MAP3K15: variants seen among roughly 807,000 people sequenced by gnomAD.
MAP3K15 encodes mitogen-activated protein kinase kinase kinase 15, also known as MAPK/ERK kinase kinase 15.
In MAP3K15, 124 loss-of-function variants were observed where a neutral mutation model predicts 99.5. The observed-to-expected ratio is 1.25, with a 90% CI of 1.08 to 1.45. The LOEUF is 1.45. Among genes scored for constraint, MAP3K15 ranks in the 40% most tolerant of loss-of-function variants. MAP3K15 has a pLI of 0.00. For synonymous variants in MAP3K15, 494 were observed against 439.6 expected (o/e 1.12, Z -1.55); for missense variants, 1,242 against 1,079.7 (o/e 1.15, Z -2.11).
At chrX:19,371,556 ATT>A in intron 22 of MAP3K15, 26 bp from the exon 23 acceptor site, 1 of 1,151,031 alleles carries the variant, frequency 8.7e-7, no homozygotes, top group Non-Finnish European at 1.2e-6. Flanking sequence ...AATCATTTTC[ATT>A]GAGTCAGATT....
chrX:19,463,542 C>A (rs764941108), intron 4 of MAP3K15, among the ~76,000 whole-genome samples: 2 of 112,270 alleles, frequency 1.8e-5, no homozygotes, highest in African/African-American at 3.2e-5. Flanking sequence ...AATAATTTTT[C>A]TTTTACTTTC....
At chrX:19,430,371 C>CG (rs2063871349) in intron 7 of MAP3K15, among the ~76,000 whole-genome samples, 1 of 111,405 alleles carries the variant, frequency 9.0e-6, no homozygotes, top group Non-Finnish European at 1.9e-5. Context: ...CAAATGTGTA[C>CG]GGGGTCATTT....
intron 3 of MAP3K15, among the ~76,000 whole-genome samples, chrX:19,466,515 T>C (rs947865402): frequency 4.5e-5 from 5 of 111,992 alleles, no homozygotes; most frequent in African/African-American, 1.6e-4. Flanking sequence ...AGAAGGTATC[T>C]TGCCTGCGGC....
At chrX:19,475,421 T>C (rs773499586) in intron 3 of MAP3K15, among the ~76,000 whole-genome samples, 1 of 110,845 alleles carries the variant, frequency 9.0e-6, no homozygotes, top group South Asian at 3.9e-4. Context: ...GGCCCAGGGG[T>C]TGAGGACCCT....
rs66666219 is a variant in MAP3K15 at position 19,461,992 on chromosome X, AACACACACACAC to A, written c.720-1851_720-1840del. ...GGCGACAGAGTGAGACTTGGTCTAA[AACACACACACAC>A]ACACACACACACACACACACACACA... On this transcript the variant is annotated intron_variant, in intron 4 of 28. Coordinates refer to ENST00000338883, the MANE Select transcript of MAP3K15 (RefSeq NM_001001671.4). Among the ~76,000 whole-genome samples the A allele has an allele frequency of 6.7e-4, 67 of 100,628 alleles. No individual in the cohort carries two copies. In the South Asian group the frequency reaches 0.019, roughly 29 times the overall value. 87.4% of individuals were successfully genotyped at this position (100,628 alleles called of 115,157 possible). A position where few individuals can be genotyped will look rare whatever the true frequency, so the allele number is the denominator to read the frequency against.
At position 19,371,538 on chromosome X, in the gene MAP3K15, C is replaced by G. The variant is rs368831818; in HGVS notation, c.3109-8G>C. The G allele has an allele frequency of 1.3e-4, 159 of 1,189,004 alleles. No individual in the cohort carries two copies. In the African/African-American group the frequency reaches 2.6e-3, roughly 19 times the overall value. On this transcript the variant is annotated splice_polypyrimidine_tract_variant and splice_region_variant and intron_variant, in intron 22 of 28. Transcript: ENST00000338883. Reference sequence around the variant, plus strand: ...ATGCAACTCTTCGGAACTCTGAAAACACACACAAATCATTTTCATTGAGTC... The same window carrying G: ...ATGCAACTCTTCGGAACTCTGAAAAGACACACAAATCATTTTCATTGAGTC...
intron 22 of MAP3K15, 33 bp downstream of exon 22, chrX:19,372,620 G>T (rs764105219): frequency 6.9e-5 from 81 of 1,175,091 alleles, no homozygotes; most frequent in South Asian, 1.9e-5. Context: ...CAGAGGGAGC[G>T]GGAAGAGTCG....
At chrX:19,382,769 C>T (rs1602258638) in intron 18 of MAP3K15, among the ~76,000 whole-genome samples, 1 of 112,057 alleles carries the variant, frequency 8.9e-6, no homozygotes, top group Non-Finnish European at 1.9e-5. Context: ...TGGGCTCTTG[C>T]TGCTGTAACA....
intron 24 of MAP3K15, among the ~76,000 whole-genome samples, chrX:19,370,536 C>T (rs1033470052): frequency 9.0e-6 from 1 of 111,066 alleles, no homozygotes; most frequent in African/African-American, 3.3e-5. Context: ...GCTGGGATTA[C>T]AGGCACGTGC....
At chrX:19,412,396 T>C (rs2063696205) in intron 11 of MAP3K15, among the ~76,000 whole-genome samples, 1 of 112,139 alleles carries the variant, frequency 8.9e-6, no homozygotes, top group Non-Finnish European at 1.9e-5. Flanking sequence ...TACAGGCAAT[T>C]GGTAGCCTAC....
chrX:19,363,707 C>T (rs182777637), intron 25 of MAP3K15, among the ~76,000 whole-genome samples: 2 of 106,821 alleles, frequency 1.9e-5, no homozygotes, highest in East Asian at 5.9e-4. Flanking sequence ...GGCTGGAGTG[C>T]AGTGGCACAA....
At chrX:19,418,782 C>CAG (rs2063758119) in intron 9 of MAP3K15, among the ~76,000 whole-genome samples, 1 of 111,644 alleles carries the variant, frequency 9.0e-6, no homozygotes, top group African/African-American at 3.3e-5. Flanking sequence ...TAAGGGAAGC[C>CAG]AGAGAGAGAG....
At chrX:19,373,762 G>C in intron 20 of MAP3K15, 67 bp from the exon 21 acceptor site, 1 of 1,104,568 alleles carries the variant, frequency 9.1e-7, no homozygotes, top group South Asian at 2.0e-5. Flanking sequence ...CTGAGTCCCT[G>C]GCAGCCCCTC....
chrX:19,474,065 A>G (rs758469820), intron 3 of MAP3K15, among the ~76,000 whole-genome samples: 1 of 111,628 alleles, frequency 9.0e-6, no homozygotes, highest in African/African-American at 3.3e-5. Context: ...CCAGGAGTAA[A>G]ATTACTAGAA....
At chrX:19,455,204 C>G (rs771849930) in intron 6 of MAP3K15, among the ~76,000 whole-genome samples, 26 of 110,973 alleles carry the variant, frequency 2.3e-4, no homozygotes, top group Non-Finnish European at 3.8e-4. Flanking sequence ...AGGAAAAGAC[C>G]CATCAAAGAG....
chrX:19,473,952 C>A (rs183614592), intron 3 of MAP3K15, among the ~76,000 whole-genome samples: 5 of 112,382 alleles, frequency 4.4e-5, no homozygotes, highest in African/African-American at 1.6e-4. Context: ...CTTCTATTGC[C>A]TAACTTTGTT....
intron 8 of MAP3K15, among the ~76,000 whole-genome samples, chrX:19,425,898 C>T (rs959544477): frequency 9.0e-6 from 1 of 111,388 alleles, no homozygotes; most frequent in African/African-American, 3.3e-5. Context: ...GTAGGCGGAT[C>T]ACTTGAGGTC....
At chrX:19,390,698 T>TA (rs2063521932) in intron 18 of MAP3K15, among the ~76,000 whole-genome samples, 1 of 91,395 alleles carries the variant, frequency 1.1e-5, no homozygotes, top group Non-Finnish European at 2.0e-5. Flanking sequence ...ATGAAAGCTG[T>TA]TTTTTTTTTT....
intron 1 of MAP3K15, among the ~76,000 whole-genome samples, chrX:19,511,812 T>C (rs1233178148): frequency 1.8e-5 from 2 of 111,934 alleles, no homozygotes; most frequent in African/African-American, 6.5e-5. Flanking sequence ...GCAATCCCAT[T>C]GCTGGGTATA....
Sources: allele counts gnomAD v4.1 joint callset (sites outside exome capture counted in the v4.1 genomes callset), GRCh38; gene constraint gnomAD v4.1.1; transcripts MANE v1.5; gene names NCBI Gene and HGNC (gene_info 2026-07-23, HGNC 2026-07-21).